NFX1: variants seen among roughly 807,000 people sequenced by gnomAD.
NFX1 encodes transcriptional repressor NF-X1.
NFX1 carries 69 observed loss-of-function variants against 137.2 expected under a neutral mutation model. That is an observed-to-expected ratio of 0.50 (90% confidence interval 0.41 to 0.61). The LOEUF is 0.61. Among genes scored for constraint, NFX1 ranks in the 20% least tolerant of loss-of-function variants. The probability of loss-of-function intolerance (pLI) is 0.00; values close to 1 mark genes in which losing one functional copy is unlikely to be tolerated. For missense variants in NFX1, 1,167 were observed against 1,391.0 expected (o/e 0.84, Z 2.56); for synonymous variants, 495 against 474.1 (o/e 1.04, Z -0.57).
At chr9:33,355,667 G>A (rs1823786487) in intron 19 of NFX1, among the ~76,000 whole-genome samples, 1 of 135,240 alleles carries the variant, frequency 7.4e-6, no homozygotes, top group South Asian at 2.4e-4. Context: ...TTTTTGAGAT[G>A]GAGTTTTTCT....
rs1823737116 is a variant in NFX1 at position 33,354,135 on chromosome 9, G to A, written c.2779G>A (p.Gly927Ser). 1.2e-6 allele frequency: 2 copies of A among 1,613,388 alleles called. No homozygotes were observed. Among genetic ancestry groups the A allele is most frequent in the South Asian group, 1.1e-5 (1 of 90,962 alleles). The change falls in exon 18 of 24, where the codon GGT (glycine) becomes AGT (serine). Residue 927 changes from glycine to serine, a missense_variant. Coordinates refer to ENST00000379540, the MANE Select transcript of NFX1 (RefSeq NM_002504.6). ...TAAGATAACAGACATGCAGCTTGGA[G>A]GTTCAGTGGAGATCAGCAAGTTAAT... The part of the protein sequence containing the change: ...ASKITDMQLG[G>S]SVEISKLITK...
At chr9:33,319,196 G>A in intron 9 of NFX1, 69 bp downstream of exon 9, 1 of 1,350,790 alleles carries the variant, frequency 7.4e-7, no homozygotes, top group Non-Finnish European at 1.0e-6. Flanking sequence ...GAGTGTTTAA[G>A]CAATGTAGAA....
intron 11 of NFX1, among the ~76,000 whole-genome samples, chr9:33,338,210 C>T (rs896980747): frequency 5.3e-5 from 8 of 151,778 alleles, no homozygotes; most frequent in Non-Finnish European, 1.5e-5. Context: ...CAAAAATTAG[C>T]TGGGTGTGGT....
At position 33,319,025 on chromosome 9, in the gene NFX1, A is replaced by G; in HGVS notation, c.1804A>G (p.Ser602Gly). Residue 602 changes from serine to glycine, a missense_variant, in exon 9 of 24, where the codon AGC becomes GGC. By Grantham distance (56) the Ser-to-Gly change is moderately conservative. This residue lies in a region of NFX1 where 488 missense variants were observed against 691.5 expected (regional missense o/e 0.71). Coordinates refer to ENST00000379540, the MANE Select transcript of NFX1 (RefSeq NM_002504.6). Reference sequence around the variant, plus strand: ...TTGCCCCTGTGGCCAAACTCCTCTCAGCCAATTGCTAGAACTTGGAAGTAG... The same window carrying G: ...TTGCCCCTGTGGCCAAACTCCTCTCGGCCAATTGCTAGAACTTGGAAGTAG... ...RCCPCGQTPL[S>G]QLLELGSSSR... 1 of 1,614,182 alleles carries G rather than the reference A, an allele frequency of 6.2e-7. No individual in the cohort carries two copies. Among genetic ancestry groups the G allele is most frequent in the South Asian group, 1.1e-5 (1 of 91,092 alleles).
chr9:33,353,985 TG>T, intron 17 of NFX1, 100 bp from the exon 18 acceptor site: 1 of 1,089,590 alleles, frequency 9.2e-7, no homozygotes. Context: ...CCACCACACC[TG>T]GCCTAGATTT....
At chr9:33,351,274 A>G (rs1823626174) in intron 15 of NFX1, among the ~76,000 whole-genome samples, 1 of 152,042 alleles carries the variant, frequency 6.6e-6, no homozygotes, top group African/African-American at 2.4e-5. Context: ...CCTGGGCAAC[A>G]TGGTGAAACC....
intron 15 of NFX1, 118 bp downstream of exon 15, chr9:33,347,235 A>G (rs976700170): frequency 5.3e-6 from 4 of 749,596 alleles, no homozygotes; most frequent in Admixed American, 2.9e-5. Context: ...GAAGCTTTCC[A>G]TTGCTTAAAA....
chr9:33,295,241 A>C lies in NFX1; in HGVS notation c.847A>C (p.Lys283Gln). The C allele has an allele frequency of 6.2e-7, 1 of 1,614,130 alleles. No homozygotes were observed. Among genetic ancestry groups the C allele is most frequent in the Non-Finnish European group, 8.5e-7 (1 of 1,180,024 alleles). Residue 283 changes from lysine (K) to glutamine (Q), a missense_variant, in exon 2 of 24, where the codon AAG becomes CAG. Around this residue, in one of 3 missense-constraint regions of NFX1, gnomAD observed 367 missense variants for 386.7 expected, o/e 0.95. Coordinates refer to ENST00000379540, the MANE Select transcript of NFX1 (RefSeq NM_002504.6). Reference protein sequence around the residue: ...GHRNNMGPIPKDDLNERPAKS... With the variant: ...GHRNNMGPIPQDDLNERPAKS... The stretch of plus-strand genomic sequence containing the variant: ...CAGAAACAACATGGGCCCCATTCCA[A>C]AGGATGACCTCAATGAAAGACCAGC...
chr9:33,307,801 T>C (rs1282848559), intron 5 of NFX1, among the ~76,000 whole-genome samples: 1 of 144,786 alleles, frequency 6.9e-6, no homozygotes, highest in African/African-American at 2.6e-5. Flanking sequence ...TTTCTTTTTT[T>C]TTTTTTTTTT....
At chr9:33,291,222 A>G (rs549877671) in intron 1 of NFX1, among the ~76,000 whole-genome samples, 1 of 152,334 alleles carries the variant, frequency 6.6e-6, no homozygotes, top group Non-Finnish European at 1.5e-5. Flanking sequence ...CCATTTCCTC[A>G]GGGTGTTCCA....
chr9:33,366,471 C>T (rs1020528289), intron 21 of NFX1, among the ~76,000 whole-genome samples, 158 bp from the exon 22 acceptor site: 5 of 152,106 alleles, frequency 3.3e-5, no homozygotes, highest in Non-Finnish European at 5.9e-5. Flanking sequence ...CTTCCCAAAC[C>T]CCTCCAGGCT....
chr9:33,345,932 A>T (rs951209255), intron 14 of NFX1, among the ~76,000 whole-genome samples: 4 of 152,166 alleles, frequency 2.6e-5, no homozygotes, highest in African/African-American at 4.8e-5. Flanking sequence ...CCATCATTTC[A>T]TTTTACCAAA....
intron 4 of NFX1, among the ~76,000 whole-genome samples, chr9:33,305,672 T>C (rs919371881): frequency 1.3e-5 from 2 of 152,170 alleles, no homozygotes; most frequent in African/African-American, 4.8e-5. Context: ...AATATGGTGT[T>C]AGGTTGATTC....
chr9:33,362,692 GTTTTTT>G (rs750544815), intron 19 of NFX1, among the ~76,000 whole-genome samples: 3 of 96,332 alleles, frequency 3.1e-5, no homozygotes, highest in South Asian at 3.2e-4. Flanking sequence ...AGTTCCTGTG[GTTTTTT>G]TTTTTTTTTT....
rs1564098242 is a variant in NFX1 at position 33,295,227 on chromosome 9, T to C, written c.833T>C (p.Met278Thr). The C allele has an allele frequency of 1.2e-6, 2 of 1,613,814 alleles. No individual in the cohort carries two copies. The highest frequency in any genetic ancestry group is 8.5e-7 in the Non-Finnish European group (1 of 1,179,974). ...ACAAACGCAGGACACAGAAACAACA[T>C]GGGCCCCATTCCAAAGGATGACCTC... is the stretch of plus-strand genomic sequence containing the variant. The part of the protein sequence containing the change: ...RHTNAGHRNN[M>T]GPIPKDDLNE... Residue 278 changes from methionine (M) to threonine (T), a missense_variant, in exon 2 of 24, where the codon ATG (methionine) becomes ACG (threonine). Transcript: ENST00000379540.
intron 4 of NFX1, among the ~76,000 whole-genome samples, chr9:33,305,020 A>C (rs1320935987): frequency 6.6e-6 from 1 of 152,254 alleles, no homozygotes; most frequent in Non-Finnish European, 1.5e-5. Context: ...AATGCACATA[A>C]AGGCCTTATT....
At chr9:33,344,042 CTTTTG>C (rs757548322) in intron 13 of NFX1, 22 bp from the exon 14 acceptor site, 1 of 1,613,236 alleles carries the variant, frequency 6.2e-7, no homozygotes, top group African/African-American at 1.3e-5. Context: ...AGAAAGGATT[CTTTTG>C]TTTTACCTGC....
chr9:33,290,549 T>A lies in NFX1; in HGVS notation c.-24T>A. The stretch of plus-strand genomic sequence containing the variant: ...GACAGTGCTGACTTGGCTGTACAGC[T>A]CGATCTAGGTTCTGCGGCACGGGAT... On this transcript the variant is annotated 5_prime_UTR_variant, in exon 1 of 24. Coordinates refer to ENST00000379540, the MANE Select transcript of NFX1 (RefSeq NM_002504.6). 1 of 1,613,948 alleles carries A rather than the reference T, an allele frequency of 6.2e-7. No individual in the cohort carries two copies. Among genetic ancestry groups the A allele is most frequent in the Non-Finnish European group, 8.5e-7 (1 of 1,179,926 alleles).
chr9:33,308,319 G>A (rs981506640), intron 5 of NFX1, among the ~76,000 whole-genome samples: 2 of 152,176 alleles, frequency 1.3e-5, no homozygotes, highest in African/African-American at 2.4e-5. Flanking sequence ...GCACACACCT[G>A]TAGTCCCAGC....
Sources: allele counts gnomAD v4.1 joint callset (sites outside exome capture counted in the v4.1 genomes callset), GRCh38; gene constraint gnomAD v4.1.1; regional missense constraint gnomAD v4.1.1; transcripts MANE v1.5; gene names NCBI Gene and HGNC (gene_info 2026-07-23, HGNC 2026-07-21).